The following TTC28 variants were observed in gnomAD, a reference collection of about 807,000 sequenced individuals.
TTC28 encodes the protein tetratricopeptide repeat protein 28.
TTC28 carries 61 observed loss-of-function variants against 198.0 expected under a neutral mutation model. The ratio of observed to expected loss-of-function variants is 0.31; its 90% CI spans 0.25 to 0.38. TTC28 has a LOEUF of 0.38. TTC28 is among the 10% of genes least tolerant of loss of function. The probability of loss-of-function intolerance (pLI) is 1.00; values close to 1 mark genes in which losing one functional copy is unlikely to be tolerated. For missense variants in TTC28, 2,678 were observed against 3,164.0 expected (o/e 0.85, Z 3.69); for synonymous variants, 1,171 against 1,297.8 (o/e 0.90, Z 2.10).
chr22:28,612,963 G>A (rs2146157332), intron 2 of TTC28, among the ~76,000 whole-genome samples: 1 of 152,154 alleles, frequency 6.6e-6, no homozygotes, highest in African/African-American at 2.4e-5. Context: ...ACTAGCAGAA[G>A]ACAAGAAATA....
chr22:28,587,875 C>T (rs1601596117), intron 2 of TTC28, among the ~76,000 whole-genome samples: 1 of 152,068 alleles, frequency 6.6e-6, no homozygotes, highest in East Asian at 1.9e-4. Context: ...GGTGCAGTGG[C>T]TCAAGCCTGT....
At chr22:28,270,014 T>C (rs1339734246) in intron 5 of TTC28, among the ~76,000 whole-genome samples, 2 of 152,192 alleles carry the variant, frequency 1.3e-5, no homozygotes, top group Non-Finnish European at 2.9e-5. Context: ...AGCCAAACTC[T>C]GTAAAATATT....
At chr22:28,531,157 G>C (rs2049129271) in intron 2 of TTC28, among the ~76,000 whole-genome samples, 1 of 152,158 alleles carries the variant, frequency 6.6e-6, no homozygotes, top group Non-Finnish European at 1.5e-5. Flanking sequence ...CTATATTCAG[G>C]AGACCCAGCT....
chr22:28,026,409 GT>G (rs2146618451), intron 13 of TTC28, among the ~76,000 whole-genome samples: 1 of 152,234 alleles, frequency 6.6e-6, no homozygotes, highest in African/African-American at 2.4e-5. Context: ...CCCGTGCCAC[GT>G]TAAATGTGGG....
intron 2 of TTC28, among the ~76,000 whole-genome samples, chr22:28,579,947 G>A (rs1297707471): frequency 6.6e-6 from 1 of 151,896 alleles, no homozygotes; most frequent in African/African-American, 2.4e-5. Flanking sequence ...TCCAGCCTGA[G>A]TGACAAAGTG....
chr22:28,102,728 G>A (rs530772886), intron 8 of TTC28, among the ~76,000 whole-genome samples: 59 of 152,198 alleles, frequency 3.9e-4, no homozygotes, highest in African/African-American at 1.3e-3. Flanking sequence ...CTGTTGAGAC[G>A]GTAAGAAAAG....
chr22:28,596,599 C>T (rs2146106369), intron 2 of TTC28, among the ~76,000 whole-genome samples: 1 of 152,128 alleles, frequency 6.6e-6, no homozygotes, highest in South Asian at 2.1e-4. Flanking sequence ...ATTAAATGTT[C>T]AGACTAAAAG....
At chr22:28,198,976 G>C (rs867245108) in intron 5 of TTC28, among the ~76,000 whole-genome samples, 7 of 152,014 alleles carry the variant, frequency 4.6e-5, no homozygotes, top group South Asian at 2.1e-4. Context: ...AGAGAAAACA[G>C]GTTTGGTAAA....
chr22:28,557,267 T>C (rs1288357027), intron 2 of TTC28, among the ~76,000 whole-genome samples: 1 of 152,228 alleles, frequency 6.6e-6, no homozygotes, highest in Non-Finnish European at 1.5e-5. Context: ...TCCTGCATTT[T>C]CTTGTCTTGC....
chr22:28,580,127 T>C (rs1036155844), intron 2 of TTC28, among the ~76,000 whole-genome samples: 4 of 152,266 alleles, frequency 2.6e-5, no homozygotes, highest in Admixed American at 1.3e-4. Context: ...AGGGGCACTC[T>C]ACCCAACCTG....
intron 15 of TTC28, chr22:28,000,099 G>C (rs747180271): frequency 6.6e-6 from 1 of 152,166 alleles, no homozygotes; most frequent in Non-Finnish European, 1.5e-5. Flanking sequence ...CAGCCGGCAC[G>C]GTGGGCCGCT....
chr22:27,988,347 G>A (rs1937285267), intron 21 of TTC28, among the ~76,000 whole-genome samples: 2 of 149,650 alleles, frequency 1.3e-5, no homozygotes, highest in South Asian at 4.2e-4. Flanking sequence ...GAGTACAGTG[G>A]CGCGATCTCG....
At chr22:27,998,353 A>G (rs1439680534) in intron 16 of TTC28, 187 bp downstream of exon 16, 2 of 966,068 alleles carry the variant, frequency 2.1e-6, no homozygotes, top group Non-Finnish European at 3.0e-6. Context: ...TCCAAAGATG[A>G]TCTTAATAGT....
At chr22:28,225,054 A>ACAGACTACTGC (rs2147212694) in intron 5 of TTC28, among the ~76,000 whole-genome samples, 1 of 152,124 alleles carries the variant, frequency 6.6e-6, no homozygotes, top group East Asian at 1.9e-4. Context: ...AATAAACCTT[A>ACAGACTACTGC]CAGACTACTG....
intron 9 of TTC28, 138 bp from the exon 10 acceptor site, chr22:28,099,182 T>C: frequency 8.1e-7 from 1 of 1,231,996 alleles, no homozygotes; most frequent in Non-Finnish European, 1.1e-6. Context: ...GAGTCTGATG[T>C]CCAGGTGTAA....
chr22:28,615,142 T>C (rs2050881417), intron 2 of TTC28, among the ~76,000 whole-genome samples: 2 of 152,040 alleles, frequency 1.3e-5, no homozygotes, highest in African/African-American at 4.8e-5. Context: ...GGACAAAGGA[T>C]ATGAACAGAC....
At chr22:28,569,646 C>T (rs2050031102) in intron 2 of TTC28, among the ~76,000 whole-genome samples, 3 of 151,962 alleles carry the variant, frequency 2.0e-5, no homozygotes, top group Admixed American at 6.6e-5. Flanking sequence ...GACATCAGCC[C>T]TAGCAAAGAT....
At chr22:28,582,496 T>G (rs2050246862) in intron 2 of TTC28, among the ~76,000 whole-genome samples, 1 of 152,182 alleles carries the variant, frequency 6.6e-6, no homozygotes, top group South Asian at 2.1e-4. Flanking sequence ...CCTAATTATT[T>G]TTTAATATCA....
At chr22:28,474,020 C>A (rs1418868137) in intron 2 of TTC28, among the ~76,000 whole-genome samples, 1 of 152,160 alleles carries the variant, frequency 6.6e-6, no homozygotes, top group East Asian at 1.9e-4. Context: ...GGAGCCTTAG[C>A]AAACTAATAC....
Sources: allele counts gnomAD v4.1 joint callset (sites outside exome capture counted in the v4.1 genomes callset), GRCh38; gene constraint gnomAD v4.1.1; transcripts MANE v1.5; gene names NCBI Gene and HGNC (gene_info 2026-07-23, HGNC 2026-07-21).